PLOD3: variants seen among roughly 807,000 people sequenced by gnomAD.
PLOD3 encodes procollagen-lysine,2-oxoglutarate 5-dioxygenase 3.
Under a neutral mutation model 96.9 loss-of-function variants are expected in PLOD3, and 73 were observed. The ratio of observed to expected loss-of-function variants is 0.75; its 90% CI spans 0.62 to 0.92. The LOEUF is 0.92. PLOD3 is among the 40% of genes least tolerant of loss of function. PLOD3 has a pLI of 0.00. For synonymous variants in PLOD3, 454 were observed against 413.7 expected, an observed-to-expected ratio of 1.10 and a Z score of -1.18; for missense variants, 1,004 against 1,004.3, an observed-to-expected ratio of 1.00 and a Z score of 0.00.
chr7:101,213,306 G>T, intron 6 of PLOD3, 102 bp from the exon 7 acceptor site: 1 of 788,504 alleles, frequency 1.3e-6, no homozygotes, highest in South Asian at 1.5e-5. Context: ...GGGAATAAAG[G>T]GACACCAGGG....
In PLOD3 at chr7:101,206,304, T is replaced by G; in HGVS notation, c.2194A>C (p.Met732Leu). 2 of 1,613,830 alleles carry G rather than the reference T, an allele frequency of 1.2e-6. No homozygotes were observed. The highest frequency in any genetic ancestry group is 1.7e-6 in the Non-Finnish European group (2 of 1,179,904). ...LPTTWGTRYI[M>L]VSFVDP ...TGTCAGGGGTCGACAAAGGACACCA[T>G]GATGTAGCGTGTGCCCCAGGTCGTT... Residue 732 changes from methionine (M) to leucine (L), a missense_variant, in exon 19 of 19, where the codon ATG becomes CTG. Around this residue, in one of 5 missense-constraint regions of PLOD3, gnomAD observed 222 missense variants for 220.4 expected, o/e 1.01. Coordinates refer to ENST00000223127, the MANE Select transcript of PLOD3 (RefSeq NM_001084.5).
Position 101,217,493 on chromosome 7 carries a change from G to A in PLOD3, c.-219C>T, listed in dbSNP as rs949817493. ...CCACAGACAAGGCGAGGATTGTCCC[G>A]GGCGCACGGGAGGCGGGGGAGGGGC... On this transcript the variant is annotated 5_prime_UTR_variant, in exon 1 of 19. Coordinates refer to ENST00000223127, the MANE Select transcript of PLOD3 (RefSeq NM_001084.5). 2.2e-5 allele frequency: 11 copies of A among 508,098 alleles called. No homozygotes were observed. The highest frequency in any genetic ancestry group is 4.1e-5 in the African/African-American group (2 of 49,176). The allele number at this position is 508,098 out of a possible 1,614,324, so 31.5% of individuals were successfully genotyped here.
At chr7:101,210,697 A>G in intron 12 of PLOD3, 24 bp from the exon 13 acceptor site, 2 of 1,612,728 alleles carry the variant, frequency 1.2e-6, no homozygotes, top group Non-Finnish European at 1.7e-6. Flanking sequence ...CACCGCGGTC[A>G]GCTGGGAGGA....
Position 101,216,494 on chromosome 7 carries a change from C to T in PLOD3, c.254G>A (p.Gly85Asp). ...TAACCACCGGACCTTCTGTCCTCCACCAACTGTTCGAGCCACATCACCCCC... is the reference window on the plus strand; with the variant it reads ...TAACCACCGGACCTTCTGTCCTCCATCAACTGTTCGAGCCACATCACCCCC... Reference protein sequence around the residue: ...WRGGDVARTVGGGQKVRWLKK... With the variant: ...WRGGDVARTVDGGQKVRWLKK... The change falls in exon 3 of 19, where the codon GGT becomes GAT. Residue 85 changes from glycine (G) to aspartate (D), a missense_variant. Gly to Asp is a moderately conservative substitution (Grantham distance 94). This residue lies in a region of PLOD3 where 690 missense variants were observed against 650.2 expected (regional missense o/e 1.06). Coordinates refer to ENST00000223127, the MANE Select transcript of PLOD3 (RefSeq NM_001084.5). 1.2e-6 allele frequency: 2 copies of T among 1,614,116 alleles called. No individual in the cohort carries two copies. Among genetic ancestry groups the T allele is most frequent in the South Asian group, 2.2e-5 (2 of 91,088 alleles).
chr7:101,207,814 G>A (rs1359014097), intron 16 of PLOD3, 90 bp from the exon 17 acceptor site: 2 of 1,391,930 alleles, frequency 1.4e-6, no homozygotes, highest in African/African-American at 1.4e-5. Context: ...CCGTCCTCCA[G>A]CCTTCACACC....
Position 101,216,515 on chromosome 7 carries a change from C to A in PLOD3, c.233G>T (p.Gly78Val). 2 of 1,614,042 alleles carry A rather than the reference C, an allele frequency of 1.2e-6. No homozygotes were observed. The highest frequency in any genetic ancestry group is 2.2e-5 in the South Asian group (2 of 91,082). The change falls in exon 3 of 19, where the codon GGT becomes GTT. Residue 78 changes from glycine (G) to valine (V), a missense_variant. Physicochemically the swap from Gly to Val is moderately radical, Grantham distance 109 (BLOSUM62 -3). Coordinates refer to ENST00000223127, the MANE Select transcript of PLOD3 (RefSeq NM_001084.5). The stretch of plus-strand genomic sequence containing the variant: ...TCCACCAACTGTTCGAGCCACATCA[C>A]CCCCTCGCCACTCCTCTCCCAGGCC... ...TLGLGEEWRG[G>V]DVARTVGGGQ...
At position 101,216,800 on chromosome 7, in the gene PLOD3, G is replaced by GAAAT. The variant is rs772189411; in HGVS notation, c.110-18_110-15dup. ...CCAGCAGCTTCTCTGTTACCAGAGG[G>GAAAT]AAATGGCACTTGAGATCCACCGCCC... On this transcript the variant is annotated splice_polypyrimidine_tract_variant and intron_variant, in intron 1 of 18. Coordinates refer to ENST00000223127, the MANE Select transcript of PLOD3 (RefSeq NM_001084.5). 46 of 1,590,838 alleles carry GAAAT rather than the reference G, an allele frequency of 2.9e-5. No homozygotes were observed. In the African/African-American group the frequency reaches 5.1e-4, roughly 18 times the overall value.
intron 9 of PLOD3, 67 bp from the exon 10 acceptor site, chr7:101,212,441 G>A (rs1798198535): frequency 5.7e-6 from 9 of 1,574,024 alleles, no homozygotes; most frequent in Middle Eastern, 1.7e-4. Flanking sequence ...GGATGGGGGT[G>A]CAGGAAGGAG....
Position 101,216,143 on chromosome 7 carries a change from T to G in PLOD3, c.502+20A>C. 1.2e-6 allele frequency: 2 copies of G among 1,614,018 alleles called. No homozygotes were observed. Among genetic ancestry groups the G allele is most frequent in the Non-Finnish European group, 1.7e-6 (2 of 1,179,978 alleles). Reference sequence around the variant, plus strand: ...TCCCACCGCTCTTGGCCCCTCTGCCTTGGGCACTCTGCCACTCACCACCAG... The same window carrying G: ...TCCCACCGCTCTTGGCCCCTCTGCCGTGGGCACTCTGCCACTCACCACCAG... On this transcript the variant is annotated intron_variant, in intron 4 of 18. Transcript: ENST00000223127.
rs771042939 is a variant in PLOD3, at chr7:101,206,835, C to G, written c.2005G>C (p.Asp669His). The change falls in exon 18 of 19, where the codon GAC becomes CAC. Residue 669 changes from aspartate to histidine, a missense_variant. By Grantham distance (81) the Asp-to-His change is moderately conservative. Around this residue, in one of 5 missense-constraint regions of PLOD3, gnomAD observed 222 missense variants for 220.4 expected, o/e 1.01. Transcript: ENST00000223127. ...DEQPSLRPHH[D>H]SSTFTLNVAL... ...ACGTTGAGGGTGAAGGTGGATGAGT[C>G]GTGGTGTGGCCGCAGAGACGGCTGC... The G allele has an allele frequency of 3.8e-6, 6 of 1,574,334 alleles. No individual in the cohort carries two copies. Among genetic ancestry groups the G allele is most frequent in the Non-Finnish European group, 5.2e-6 (6 of 1,159,620 alleles).
At chr7:101,209,008 A>G in intron 15 of PLOD3, 51 bp from the exon 16 acceptor site, 2 of 1,307,396 alleles carry the variant, frequency 1.5e-6, no homozygotes, top group South Asian at 1.2e-5. Flanking sequence ...CAGAACGGGG[A>G]AGGGGACAGG....
At chr7:101,206,991 G>C (rs908798542) in intron 17 of PLOD3, 87 bp from the exon 18 acceptor site, 1 of 1,429,244 alleles carries the variant, frequency 7.0e-7, no homozygotes, top group Non-Finnish European at 9.4e-7. Flanking sequence ...TTTTGAGATA[G>C]TCTCGCTCTG....
chr7:101,213,212 A>G lies in PLOD3; in HGVS notation c.680-8T>C, dbSNP rs1183576808. ...ACTTTAAAACCACTTCATCTGGGGAAGAAAAAGGCCAGGCTTCAGACCCCC... is the reference window on the plus strand; with the variant it reads ...ACTTTAAAACCACTTCATCTGGGGAGGAAAAAGGCCAGGCTTCAGACCCCC... On this transcript the variant is annotated splice_polypyrimidine_tract_variant and splice_region_variant and intron_variant, in intron 6 of 18. Coordinates refer to ENST00000223127, the MANE Select transcript of PLOD3 (RefSeq NM_001084.5). 1 of 1,594,642 alleles carries G rather than the reference A, an allele frequency of 6.3e-7. No individual in the cohort carries two copies. The highest frequency in any genetic ancestry group is 8.6e-7 in the Non-Finnish European group (1 of 1,162,294).
intron 17 of PLOD3, 61 bp from the exon 18 acceptor site, chr7:101,206,965 T>C: frequency 6.6e-7 from 1 of 1,521,796 alleles, no homozygotes; most frequent in Non-Finnish European, 8.9e-7. Flanking sequence ...TCTTTTATTT[T>C]GTATTATTAT....
chr7:101,210,405 G>A lies in PLOD3; in HGVS notation c.1540C>T (p.Arg514Trp), dbSNP rs746896780. 1.3e-5 allele frequency: 21 copies of A among 1,614,036 alleles called. No individual in the cohort carries two copies. Among genetic ancestry groups the A allele is most frequent in the African/African-American group, 8.0e-5 (6 of 74,940 alleles). The change falls in exon 14 of 19, where the codon CGG becomes TGG. Residue 514 changes from arginine to tryptophan, a missense_variant. Around this residue, in one of 5 missense-constraint regions of PLOD3, gnomAD observed 23 missense variants for 45.7 expected, o/e 0.50. Coordinates refer to ENST00000223127, the MANE Select transcript of PLOD3 (RefSeq NM_001084.5). ...TCGTATCTGGAAGTGGCCAGGAGCCGGCCAAATTCATGCTGATTGCTCAGA... is the reference window on the plus strand; with the variant it reads ...TCGTATCTGGAAGTGGCCAGGAGCCAGCCAAATTCATGCTGATTGCTCAGA... ...LHLSNQHEFG[R>W]LLATSRYDTE...
chr7:101,210,224 G>A (rs983419604), intron 14 of PLOD3, 63 bp from the exon 15 acceptor site: 73 of 1,476,326 alleles, frequency 4.9e-5, no homozygotes, highest in Non-Finnish European at 6.5e-5. Flanking sequence ...CCAGGGGACC[G>A]CCCCCTCCCA....
chr7:101,217,228 A>G lies in PLOD3; in HGVS notation c.47T>C (p.Leu16Pro). ...PGPRFLLLLPLLLPPAASASD... is the reference protein window; with the variant it reads ...PGPRFLLLLPPLLPPAASASD... Reference sequence around the variant, plus strand: ...GGCTGAGGCCGCAGGGGGCAGCAGCAGCGGCAGCAGCAGCAGGAACCGGGG... The same window carrying G: ...GGCTGAGGCCGCAGGGGGCAGCAGCGGCGGCAGCAGCAGCAGGAACCGGGG... Residue 16 changes from leucine to proline, a missense_variant, in exon 1 of 19, where the codon CTG (leucine) becomes CCG (proline). Around this residue, in one of 5 missense-constraint regions of PLOD3, gnomAD observed 690 missense variants for 650.2 expected, o/e 1.06. Transcript: ENST00000223127. 1 of 1,498,464 alleles carries G rather than the reference A, an allele frequency of 6.7e-7. No individual in the cohort carries two copies. Among genetic ancestry groups the G allele is most frequent in the Non-Finnish European group, 8.9e-7 (1 of 1,125,070 alleles). The allele number at this position is 1,498,464 out of a possible 1,614,324, so 92.8% of individuals were successfully genotyped here. A position where few individuals can be genotyped will look rare whatever the true frequency, so the allele number is the denominator to read the frequency against.
At position 101,216,188 on chromosome 7, in the gene PLOD3, C is replaced by T. The variant is rs201433094; in HGVS notation, c.477G>A (p.Thr159=). ...CACCAGAATTGAGGAAGCGCTTCCC[C>T]GTGCCCACCTCAGGGTACTGCTCCG... ...GLAEQYPEVG[T]GKRFLNSGGF... Residue 159 remains threonine, a synonymous_variant, in exon 4 of 19, where the codon ACG becomes ACA. Coordinates refer to ENST00000223127, the MANE Select transcript of PLOD3 (RefSeq NM_001084.5). 1.2e-4 allele frequency: 201 copies of T among 1,614,050 alleles called. No individual in the cohort carries two copies. The East Asian group carries it at 3.8e-3, about 31-fold the overall frequency.
At chr7:101,217,104 C>T in intron 1 of PLOD3, 62 bp downstream of exon 1, 2 of 1,428,702 alleles carry the variant, frequency 1.4e-6, no homozygotes, top group Non-Finnish European at 1.8e-6. Context: ...CTCTCCGGGC[C>T]AGGCTGGCAG....
Sources: gnomAD v4.1 joint callset for allele counts on GRCh38, gnomAD v4.1.1 for gene constraint, gnomAD v4.1.1 regional missense constraint, MANE v1.5 for transcripts, NCBI Gene and HGNC (gene_info 2026-07-23, HGNC 2026-07-21) for gene names.